Variants in LRRTM4 observed in about 807,000 individuals in gnomAD.
The protein encoded by LRRTM4 is leucine-rich repeat transmembrane neuronal protein 4.
A neutral mutation model predicts 47.6 loss-of-function variants in LRRTM4; 25 were observed. The observed-to-expected ratio is 0.53, with a 90% CI of 0.38 to 0.73. The LOEUF (loss-of-function observed/expected upper bound fraction) is 0.73. Ranked by LOEUF, LRRTM4 falls within the 30% of genes least tolerant of loss-of-function variation. The pLI is 0.00. For synonymous variants in LRRTM4, 311 were observed against 269.5 expected, an observed-to-expected ratio of 1.15 and a Z score of -1.51; for missense variants, 638 against 713.4, an observed-to-expected ratio of 0.89 and a Z score of 1.20.
chr2:77,049,530 TTC>T (rs2103767046), intron 3 of LRRTM4, among the ~76,000 whole-genome samples: 2 of 152,146 alleles, frequency 1.3e-5, no homozygotes, highest in African/African-American at 4.8e-5. Context: ...TGATTGGTAT[TTC>T]TCTGATGATT....
At position 77,217,468 on chromosome 2, in the gene LRRTM4, T is replaced by TATATATATAC. The variant is rs1338917871; in HGVS notation, c.1551+300849_1551+300850insGTATATATAT. ...ATATATATATATATATATATATATA[T>TATATATATAC]ACTAAGCCTTTAATTTAAAAAGATA... On this transcript the variant is annotated intron_variant, in intron 3 of 3. Transcript: ENST00000409884. Among the ~76,000 whole-genome samples, 359 of 134,214 alleles carry TATATATATAC rather than the reference T, an allele frequency of 2.7e-3. 10 individuals are homozygous for TATATATATAC. The highest frequency in any genetic ancestry group is 9.9e-3 in the African/African-American group (342 of 34,492). The allele number at this position is 134,214 out of a possible 152,430, so 88.0% of individuals were successfully genotyped here.
chr2:76,976,897 C>T (rs1244698659), intron 3 of LRRTM4, among the ~76,000 whole-genome samples: 2 of 151,702 alleles, frequency 1.3e-5, no homozygotes, highest in African/African-American at 2.4e-5. Flanking sequence ...ATGCTAATGA[C>T]CCTAATTTGA....
intron 3 of LRRTM4, among the ~76,000 whole-genome samples, chr2:77,348,294 A>G (rs1447110544): frequency 6.6e-6 from 1 of 151,778 alleles, no homozygotes; most frequent in African/African-American, 2.4e-5. Flanking sequence ...AGGTTTTCAT[A>G]ATACAATACA....
intron 3 of LRRTM4, among the ~76,000 whole-genome samples, chr2:76,888,206 C>T (rs1307644614): frequency 6.6e-6 from 1 of 150,700 alleles, no homozygotes; most frequent in African/African-American, 2.4e-5. Flanking sequence ...TGAATGTATT[C>T]TTGGAATAAC....
chr2:77,326,535 A>G (rs1670782569), intron 3 of LRRTM4, among the ~76,000 whole-genome samples: 1 of 152,114 alleles, frequency 6.6e-6, no homozygotes, highest in South Asian at 2.1e-4. Flanking sequence ...CTAGGACTAC[A>G]GGTATGAGCC....
chr2:77,323,887 G>T (rs1288810524), intron 3 of LRRTM4, among the ~76,000 whole-genome samples: 2 of 151,956 alleles, frequency 1.3e-5, no homozygotes, highest in South Asian at 2.1e-4. Context: ...GACAATAATA[G>T]TCCCTAGCTG....
intron 3 of LRRTM4, among the ~76,000 whole-genome samples, chr2:77,262,641 G>C (rs907484454): frequency 5.9e-5 from 9 of 151,474 alleles, no homozygotes; most frequent in Admixed American, 1.3e-4. Flanking sequence ...TACTGATTGG[G>C]CATTTTGTAA....
chr2:76,899,336 C>T (rs1673538754), intron 3 of LRRTM4, among the ~76,000 whole-genome samples: 1 of 148,590 alleles, frequency 6.7e-6, no homozygotes, highest in Non-Finnish European at 1.5e-5. Context: ...CACACACACA[C>T]ACACACACAC....
chr2:76,809,242 A>G (rs1198901368), intron 3 of LRRTM4, among the ~76,000 whole-genome samples: 2 of 152,122 alleles, frequency 1.3e-5, no homozygotes, highest in African/African-American at 4.8e-5. Flanking sequence ...ATGCAATCCT[A>G]TTGTACATTT....
chr2:77,361,199 T>G (rs933682762), intron 3 of LRRTM4, among the ~76,000 whole-genome samples: 2 of 151,752 alleles, frequency 1.3e-5, no homozygotes, highest in African/African-American at 4.8e-5. Context: ...TTTCACCCAC[T>G]CACTTCTCTT....
chr2:76,923,225 G>T (rs1674488127), intron 3 of LRRTM4, among the ~76,000 whole-genome samples: 1 of 151,716 alleles, frequency 6.6e-6, no homozygotes, highest in Non-Finnish European at 1.5e-5. Context: ...CGTTTTTATT[G>T]TTTTACCTTT....
At chr2:76,991,926 G>A (rs1677023861) in intron 3 of LRRTM4, among the ~76,000 whole-genome samples, 1 of 151,774 alleles carries the variant, frequency 6.6e-6, no homozygotes, top group Non-Finnish European at 1.5e-5. Context: ...ACATCAAAAA[G>A]TTAATTCACC....
At chr2:77,108,224 G>T (rs1264025293) in intron 3 of LRRTM4, among the ~76,000 whole-genome samples, 2 of 151,998 alleles carry the variant, frequency 1.3e-5, no homozygotes, top group Non-Finnish European at 2.9e-5. Flanking sequence ...TACTAAAAAA[G>T]CAAATGATAA....
chr2:77,521,145 G>GA, intron 2 of LRRTM4, among the ~76,000 whole-genome samples: 1 of 151,808 alleles, frequency 6.6e-6, no homozygotes, highest in South Asian at 2.1e-4. Flanking sequence ...GAAAGGGGGG[G>GA]AAAAAAGCCA....
chr2:77,222,302 G>A (rs1674660179), intron 3 of LRRTM4, among the ~76,000 whole-genome samples: 1 of 152,012 alleles, frequency 6.6e-6, no homozygotes, highest in Non-Finnish European at 1.5e-5. Flanking sequence ...AATAACTAGA[G>A]AAGCAAGAGC....
intron 3 of LRRTM4, among the ~76,000 whole-genome samples, chr2:77,043,591 A>G (rs1164237633): frequency 6.8e-6 from 1 of 147,436 alleles, no homozygotes; most frequent in African/African-American, 2.7e-5. Flanking sequence ...GAGAGAAGAG[A>G]GAGAAAGAGT....
rs1673921557 is a variant in LRRTM4 at position 76,908,267 on chromosome 2, G to A, written c.1552-159351C>T. Among the ~76,000 whole-genome samples, 3 of 152,022 alleles carry A rather than the reference G, an allele frequency of 2.0e-5. No homozygotes were observed. The South Asian group carries it at 6.2e-4, about 32-fold the overall frequency. ...CCACATGATTATCTCAATAGATGCAGAAAAGGCCTTTGACAAAATTTAACA... is the reference window on the plus strand; with the variant it reads ...CCACATGATTATCTCAATAGATGCAAAAAAGGCCTTTGACAAAATTTAACA... On this transcript the variant is annotated intron_variant, in intron 3 of 3. Coordinates refer to ENST00000409884, the MANE Select transcript of LRRTM4 (RefSeq NM_001134745.3).
At chr2:76,971,138 G>A (rs530175634) in intron 3 of LRRTM4, among the ~76,000 whole-genome samples, 1 of 151,952 alleles carries the variant, frequency 6.6e-6, no homozygotes, top group Non-Finnish European at 1.5e-5. Flanking sequence ...CAGTTGCCAC[G>A]AACAAAGTCT....
chr2:77,262,446 G>A (rs990628362), intron 3 of LRRTM4, among the ~76,000 whole-genome samples: 9 of 151,480 alleles, frequency 5.9e-5, no homozygotes, highest in South Asian at 2.1e-4. Context: ...TAGTGATCAC[G>A]GATACATTAT....
Sources: gnomAD v4.1 joint callset for allele counts (sites outside exome capture counted in the v4.1 genomes callset) on GRCh38, gnomAD v4.1.1 for gene constraint, MANE v1.5 for transcripts, NCBI Gene and HGNC (gene_info 2026-07-23, HGNC 2026-07-21) for gene names.